Variants in ULK4 observed in about 807,000 individuals in gnomAD.
ULK4 encodes inactive serine/threonine-protein kinase ULK4.
A neutral mutation model predicts 160.6 loss-of-function variants in ULK4; 133 were observed. That is an observed-to-expected ratio of 0.83 (90% CI 0.72 to 0.96). ULK4 has a LOEUF of 0.96. Among genes scored for constraint, ULK4 ranks in the 40% least tolerant of loss-of-function variants. The pLI, the probability that ULK4 is intolerant of heterozygous loss-of-function variation, is 0.00. For missense variants in ULK4, 1,580 were observed against 1,499.5 expected (o/e 1.05, Z -0.89); for synonymous variants, 534 against 539.8 (o/e 0.99, Z 0.15).
At chr3:41,335,133 T>C (rs1373236355) in intron 35 of ULK4, among the ~76,000 whole-genome samples, 1 of 152,232 alleles carries the variant, frequency 6.6e-6, no homozygotes, top group African/African-American at 2.4e-5. Flanking sequence ...TTCTTCTTTA[T>C]AATAGTGTTC....
At chr3:41,828,130 G>T (rs1180101947) in intron 18 of ULK4, among the ~76,000 whole-genome samples, 1 of 148,972 alleles carries the variant, frequency 6.7e-6, no homozygotes, top group Admixed American at 6.7e-5. Context: ...CAAAAATTAG[G>T]TACTGATGAG....
chr3:41,650,489 CTT>C (rs1288232332), intron 30 of ULK4, among the ~76,000 whole-genome samples: 1 of 152,240 alleles, frequency 6.6e-6, no homozygotes, highest in Non-Finnish European at 1.5e-5. Flanking sequence ...GTGGAGGCTG[CTT>C]GTGGTATGCC....
intron 35 of ULK4, among the ~76,000 whole-genome samples, chr3:41,387,802 T>C (rs2081854909): frequency 6.6e-6 from 1 of 152,348 alleles, no homozygotes; most frequent in South Asian, 2.1e-4. Context: ...GTTCCAAGTC[T>C]CTGCTATTGT....
intron 23 of ULK4, among the ~76,000 whole-genome samples, chr3:41,716,501 G>A (rs751629316): frequency 1.1e-4 from 16 of 152,130 alleles, no homozygotes; most frequent in East Asian, 5.8e-4. Context: ...CTTACAATCC[G>A]AAATAAATTT....
chr3:41,845,984 G>A (rs1486797873), intron 17 of ULK4, among the ~76,000 whole-genome samples: 8 of 152,122 alleles, frequency 5.3e-5, no homozygotes, highest in South Asian at 2.1e-4. Context: ...GTCAGCAAGC[G>A]TCACTGGAAA....
chr3:41,800,561 G>A (rs189224162), intron 19 of ULK4, among the ~76,000 whole-genome samples: 52 of 152,324 alleles, frequency 3.4e-4, no homozygotes, highest in Admixed American at 3.4e-3. Flanking sequence ...GAAGGTTGCA[G>A]TGAGCTGTGA....
In ULK4 at chr3:41,396,182, G is replaced by A. The variant is rs6797216; in HGVS notation, c.3678+1897C>T. ...CCTGAACTCACAGGAGCCCATGTTT[G>A]GTCTTTATTTACCCCTGCCTGGTGT... On this transcript the variant is annotated intron_variant, in intron 35 of 36. Coordinates refer to ENST00000301831, the MANE Select transcript of ULK4 (RefSeq NM_017886.4). 3.8e-3 allele frequency among the ~76,000 whole-genome samples: 581 copies of A among 152,094 alleles called. 2 individuals carry two copies. Among genetic ancestry groups the A allele is most frequent in the African/African-American group, 0.013 (559 of 41,482 alleles).
intron 8 of ULK4, among the ~76,000 whole-genome samples, chr3:41,914,294 G>C (rs964544188): frequency 6.9e-6 from 1 of 144,478 alleles, no homozygotes; most frequent in African/African-American, 2.5e-5. Flanking sequence ...AATAGAATTT[G>C]CAACCACATA....
At chr3:41,793,269 C>A (rs914341568) in intron 20 of ULK4, among the ~76,000 whole-genome samples, 1 of 151,922 alleles carries the variant, frequency 6.6e-6, no homozygotes, top group Non-Finnish European at 1.5e-5. Context: ...AAATTTACTT[C>A]GAAAAGAACA....
In ULK4 at chr3:41,655,776, T is replaced by G. The variant is rs6768832; in HGVS notation, c.3071+7831A>C. Among the ~76,000 whole-genome samples, 1,326 of 152,334 alleles carry G rather than the reference T, an allele frequency of 8.7e-3. 19 individuals are homozygous for G. The highest frequency in any genetic ancestry group is 0.03 in the African/African-American group (1,249 of 41,584). On this transcript the variant is annotated intron_variant, in intron 30 of 36. Transcript: ENST00000301831. ...AATATTTTAGCTGTATAAATTCAGC[T>G]AATTGAGGGTAAAAAACTTAAATGG... is the stretch of plus-strand genomic sequence containing the variant.
Position 41,267,837 on chromosome 3 carries a change from C to A in ULK4, c.3679-18263G>T, listed in dbSNP as rs140528783. ...TGACTAGCCATGGTCTTCCTGACTT[C>A]GAATCCTTGATCTCAACCATCAAAG... is the stretch of plus-strand genomic sequence containing the variant. On this transcript the variant is annotated intron_variant, in intron 35 of 36. Transcript: ENST00000301831. 3.3e-3 allele frequency among the ~76,000 whole-genome samples: 503 copies of A among 152,262 alleles called. 2 individuals carry two copies. Among genetic ancestry groups the A allele is most frequent in the African/African-American group, 0.011 (476 of 41,540 alleles).
intron 18 of ULK4, among the ~76,000 whole-genome samples, chr3:41,820,487 G>A (rs891138252): frequency 2.0e-5 from 3 of 152,186 alleles, no homozygotes; most frequent in East Asian, 1.9e-4. Flanking sequence ...GCAGCAACAC[G>A]GATGCAGCTG....
At chr3:41,397,585 A>G (rs1202128531) in intron 35 of ULK4, among the ~76,000 whole-genome samples, 1 of 152,182 alleles carries the variant, frequency 6.6e-6, no homozygotes, top group Non-Finnish European at 1.5e-5. Context: ...TAATCTTCAA[A>G]AATATCATGA....
intron 32 of ULK4, among the ~76,000 whole-genome samples, chr3:41,514,143 C>T (rs898672172): frequency 6.6e-6 from 1 of 151,536 alleles, no homozygotes. Flanking sequence ...AAAAGGAAAC[C>T]ATTTTGGAGG....
At chr3:41,413,926 T>C (rs9855925) in intron 34 of ULK4, among the ~76,000 whole-genome samples, 87,909 of 152,162 alleles carry the variant, frequency 0.58, 27,054 homozygotes, top group African/African-American at 0.82. Context: ...CATTTGGGGC[T>C]GGGCACAGTG....
chr3:41,287,544 C>A (rs902174064), intron 35 of ULK4, among the ~76,000 whole-genome samples: 1 of 152,186 alleles, frequency 6.6e-6, no homozygotes, highest in African/African-American at 2.4e-5. Flanking sequence ...GAAATTTGGT[C>A]GTGTAACTTT....
Position 41,677,718 on chromosome 3 carries a change from C to T in ULK4, c.2978+3790G>A, listed in dbSNP as rs187028919. Among the ~76,000 whole-genome samples, 80 of 152,176 alleles carry T rather than the reference C, an allele frequency of 5.3e-4. 2 individuals carry two copies. In the South Asian group the frequency reaches 0.015, roughly 28 times the overall value. On this transcript the variant is annotated intron_variant, in intron 29 of 36. Coordinates refer to ENST00000301831, the MANE Select transcript of ULK4 (RefSeq NM_017886.4). ...TTAATTCATCAATTTAAATAGTACGCGGTTCATTCATTGTATTATGATAGA... is the reference window on the plus strand; with the variant it reads ...TTAATTCATCAATTTAAATAGTACGTGGTTCATTCATTGTATTATGATAGA...
chr3:41,359,679 G>A (rs1176195725), intron 35 of ULK4, among the ~76,000 whole-genome samples: 1 of 152,222 alleles, frequency 6.6e-6, no homozygotes, highest in African/African-American at 2.4e-5. Flanking sequence ...GGGAAGGCAG[G>A]TAAGGAAATG....
intron 17 of ULK4, among the ~76,000 whole-genome samples, chr3:41,869,850 T>G (rs1179856192): frequency 6.6e-6 from 1 of 152,254 alleles, no homozygotes; most frequent in Non-Finnish European, 1.5e-5. Flanking sequence ...TTATATTTGC[T>G]CATTTAACTT....
Sources: allele counts gnomAD v4.1 joint callset (sites outside exome capture counted in the v4.1 genomes callset), GRCh38; gene constraint gnomAD v4.1.1; transcripts MANE v1.5; gene names NCBI Gene and HGNC (gene_info 2026-07-23, HGNC 2026-07-21).